Variants in CFAP46 observed in about 807,000 individuals in gnomAD.
CFAP46 encodes the protein cilia and flagella associated protein 46.
A neutral mutation model predicts 325.7 loss-of-function variants in CFAP46; 245 were observed. The observed-to-expected ratio is 0.75, with a 90% CI of 0.68 to 0.84. CFAP46 has a LOEUF of 0.84. CFAP46 is among the 40% of genes least tolerant of loss of function. CFAP46 has a pLI of 0.00. For synonymous variants in CFAP46, 1,523 were observed against 1,495.9 expected (o/e 1.02, Z -0.42); for missense variants, 3,346 against 3,543.0 (o/e 0.94, Z 1.41).
chr10:132,908,458 G>A lies in CFAP46; in HGVS notation c.2924+10C>T, dbSNP rs1849491316. ...TTGAGGGAATTTGTCCAGTCATGAG[G>A]GTTACTTACGGCCCAAATTTCTTCA... On this transcript the variant is annotated intron_variant, in intron 22 of 57. Coordinates refer to ENST00000368586, the MANE Select transcript of CFAP46 (RefSeq NM_001200049.3). 4 of 1,550,296 alleles carry A rather than the reference G, an allele frequency of 2.6e-6. No individual in the cohort carries two copies. Among genetic ancestry groups the A allele is most frequent in the African/African-American group, 2.7e-5 (2 of 73,066 alleles).
At chr10:132,853,912 G>A (rs1271653334) in intron 39 of CFAP46, among the ~76,000 whole-genome samples, 2 of 151,950 alleles carry the variant, frequency 1.3e-5, no homozygotes, top group Non-Finnish European at 2.9e-5. Flanking sequence ...TTTCTGATCC[G>A]TCTGACTAGA....
At chr10:132,810,632 G>T in intron 56 of CFAP46, 143 bp from the exon 57 acceptor site, 1 of 797,862 alleles carries the variant, frequency 1.3e-6, no homozygotes. Context: ...CAGCAGCGTC[G>T]GCCACTGGTT....
intron 39 of CFAP46, among the ~76,000 whole-genome samples, chr10:132,856,754 T>C (rs1380992151): frequency 6.6e-6 from 1 of 152,214 alleles, no homozygotes; most frequent in Non-Finnish European, 1.5e-5. Flanking sequence ...ATTGATCAAT[T>C]TGCTTTTGAT....
chr10:132,818,228 C>T (rs1048212035), intron 50 of CFAP46, among the ~76,000 whole-genome samples: 1 of 151,980 alleles, frequency 6.6e-6, no homozygotes, highest in Non-Finnish European at 1.5e-5. Context: ...AAGGATGTTT[C>T]AATAAGCGAT....
intron 35 of CFAP46, among the ~76,000 whole-genome samples, chr10:132,862,434 G>A (rs1312749363): frequency 1.3e-5 from 2 of 150,500 alleles, no homozygotes; most frequent in Non-Finnish European, 3.0e-5. Context: ...GGAGAGGACA[G>A]GGTGGGTGGG....
Position 132,847,395 on chromosome 10 carries a change from G to A in CFAP46, c.5953-74C>T. The stretch of plus-strand genomic sequence containing the variant: ...TCGGCGTGGGGAGGGCCCACCCAGG[G>A]AGGCCGGGGTGGTCGGGCTCCTCAG... On this transcript the variant is annotated intron_variant, in intron 41 of 57. Transcript: ENST00000368586. The surrounding 1 kb of genome is among the most constrained non-coding windows in gnomAD (Gnocchi z 5.2). The A allele has an allele frequency of 1.9e-6, 3 of 1,583,176 alleles. No homozygotes were observed. Among genetic ancestry groups the A allele is most frequent in the East Asian group, 4.5e-5 (2 of 44,522 alleles).
intron 50 of CFAP46, among the ~76,000 whole-genome samples, chr10:132,820,883 CTG>C (rs1194588411): frequency 1.5e-4 from 10 of 64,952 alleles, no homozygotes; most frequent in Admixed American, 5.6e-4. Flanking sequence ...CTGATGTGTG[CTG>C]TGTGTGTGCT....
rs893747561 is a variant in CFAP46 at position 132,909,913 on chromosome 10, G to A, written c.2649+6C>T. On this transcript the variant is annotated splice_donor_region_variant and intron_variant, in intron 20 of 57. Transcript: ENST00000368586. Reference sequence around the variant, plus strand: ...TCAGAGCCCAGATGTGGGCAGGGGCGCCCACCTGCTCCTCGGTGCCCAGCC... The same window carrying A: ...TCAGAGCCCAGATGTGGGCAGGGGCACCCACCTGCTCCTCGGTGCCCAGCC... 125 of 1,441,182 alleles carry A rather than the reference G, an allele frequency of 8.7e-5. 1 individual carries two copies. Among genetic ancestry groups the A allele is most frequent in the African/African-American group, 5.8e-4 (40 of 68,996 alleles). 89.3% of individuals were successfully genotyped at this position (1,441,182 alleles called of 1,614,324 possible).
intron 41 of CFAP46, among the ~76,000 whole-genome samples, chr10:132,848,802 C>G (rs1442310824): frequency 6.6e-6 from 1 of 152,170 alleles, no homozygotes; most frequent in Non-Finnish European, 1.5e-5. Flanking sequence ...CAACTTCTCC[C>G]TGTGTCCACG....
chr10:132,859,886 C>A (rs968497009), intron 37 of CFAP46, among the ~76,000 whole-genome samples: 1 of 152,248 alleles, frequency 6.6e-6, no homozygotes, highest in Non-Finnish European at 1.5e-5. Flanking sequence ...GAAACCCCAT[C>A]TCCACTAAAA....
intron 50 of CFAP46, among the ~76,000 whole-genome samples, chr10:132,825,631 A>G (rs1226225814): frequency 6.6e-6 from 1 of 152,224 alleles, no homozygotes; most frequent in Middle Eastern, 3.2e-3. Flanking sequence ...AAATTAGACT[A>G]TAATAACATT....
chr10:132,906,403 G>A (rs1849456191), intron 22 of CFAP46, among the ~76,000 whole-genome samples: 1 of 152,292 alleles, frequency 6.6e-6, no homozygotes, highest in Admixed American at 6.5e-5. Context: ...TCCTGCTCTA[G>A]AGCCTGGGAA....
At chr10:132,855,555 T>C (rs1848629016) in intron 39 of CFAP46, among the ~76,000 whole-genome samples, 1 of 152,248 alleles carries the variant, frequency 6.6e-6, no homozygotes, top group Non-Finnish European at 1.5e-5. Context: ...AAGGTTATCA[T>C]CTTGCTGTTT....
In CFAP46 at chr10:132,924,784, T is replaced by G. The variant is rs754646497; in HGVS notation, c.1168A>C (p.Thr390Pro). ...TTGTGCTGCAGCAGGGGCAGGCAGG[T>G]GTTCCACTGCGTGGCGCACACCACG... ...IHVVCATQWN[T>P]CLPLLQHNLR... The change falls in exon 11 of 58, where the codon ACC becomes CCC. Residue 390 changes from threonine (T) to proline (P), a missense_variant. Physicochemically the swap from Thr to Pro is conservative, Grantham distance 38. Coordinates refer to ENST00000368586, the MANE Select transcript of CFAP46 (RefSeq NM_001200049.3). 5 of 1,527,024 alleles carry G rather than the reference T, an allele frequency of 3.3e-6. No individual in the cohort carries two copies. The highest frequency in any genetic ancestry group is 4.4e-6 in the Non-Finnish European group (5 of 1,137,040). 94.6% of individuals were successfully genotyped at this position (1,527,024 alleles called of 1,614,324 possible).
chr10:132,929,753 C>T lies in CFAP46; in HGVS notation c.918G>A (p.Met306Ile), dbSNP rs748952467. 22 of 1,613,376 alleles carry T rather than the reference C, an allele frequency of 1.4e-5. No homozygotes were observed. Among genetic ancestry groups the T allele is most frequent in the Admixed American group, 5.0e-5 (3 of 59,980 alleles). Residue 306 changes from methionine (M) to isoleucine (I), a missense_variant, in exon 9 of 58, where the codon ATG becomes ATA. Transcript: ENST00000368586. ...CTGAGAGGCAGGCAGAGGAGATCTC[C>T]ATGCATTTCAAGGTCAAGGAAAAAC... ...LARFSLTLKC[M>I]EISSACLSDL...
At chr10:132,841,680 C>A (rs2135062895) in intron 44 of CFAP46, among the ~76,000 whole-genome samples, 1 of 152,288 alleles carries the variant, frequency 6.6e-6, no homozygotes, top group East Asian at 1.9e-4. Context: ...TGCAAGCCTG[C>A]AGAATCAGTG....
rs1336643247 is a variant in CFAP46 at position 132,887,359 on chromosome 10, T to TCTCCTCC, written c.3305-1401_3305-1400insGGAGGAG. Among the ~76,000 whole-genome samples, 21 of 45,122 alleles carry TCTCCTCC rather than the reference T, an allele frequency of 4.7e-4. 3 individuals are homozygous for TCTCCTCC. The highest frequency in any genetic ancestry group is 1.5e-3 in the Admixed American group (4 of 2,640). The allele number at this position is 45,122 out of a possible 152,430, so 29.6% of individuals were successfully genotyped here. A position where few individuals can be genotyped will look rare whatever the true frequency, so the allele number is the denominator to read the frequency against. ...CTCTCTCTCCTCTCCTCTCCTCCCCTCTTCTTTCCTCTCCCCTCTTCTCTC... is the reference window on the plus strand; with the variant it reads ...CTCTCTCTCCTCTCCTCTCCTCCCCTCTCCTCCCTTCTTTCCTCTCCCCTCTTCTCTC... On this transcript the variant is annotated intron_variant, in intron 25 of 57. Coordinates refer to ENST00000368586, the MANE Select transcript of CFAP46 (RefSeq NM_001200049.3).
At chr10:132,910,160 G>A (rs778001106) in intron 19 of CFAP46, 92 bp from the exon 20 acceptor site, 47 of 1,220,714 alleles carry the variant, frequency 3.9e-5, no homozygotes, top group South Asian at 9.5e-5. Context: ...GATGGAGCCC[G>A]CTCCTGATCC....
intron 44 of CFAP46, among the ~76,000 whole-genome samples, chr10:132,837,583 AC>A (rs1361076863): frequency 2.9e-5 from 4 of 137,014 alleles, no homozygotes; most frequent in Non-Finnish European, 6.3e-5. Context: ...ACACATGCAC[AC>A]GTACACAGAT....
Sources: gnomAD v4.1 joint callset for allele counts (sites outside exome capture counted in the v4.1 genomes callset) on GRCh38, gnomAD v4.1.1 for gene constraint, Gnocchi (gnomAD v3.1) non-coding constraint, MANE v1.5 for transcripts, NCBI Gene and HGNC (gene_info 2026-07-23, HGNC 2026-07-21) for gene names.